Variants in EVI5 observed in about 807,000 individuals in gnomAD.
EVI5 encodes ecotropic viral integration site 5 protein homolog.
Under a neutral mutation model 112.0 loss-of-function variants are expected in EVI5, and 73 were observed. The observed-to-expected ratio is 0.65, with a 90% CI of 0.54 to 0.79. The LOEUF is 0.79. EVI5 is among the 30% of genes least tolerant of loss of function. The pLI is 0.00. For missense variants in EVI5, 900 were observed against 968.8 expected, an observed-to-expected ratio of 0.93 and a Z score of 0.94; for synonymous variants, 305 against 319.9, an observed-to-expected ratio of 0.95 and a Z score of 0.50.
chr1:92,744,231 T>C lies in EVI5; in HGVS notation c.-81-7604A>G, dbSNP rs1317814783. On this transcript the variant is annotated intron_variant, in intron 1 of 19. Transcript: ENST00000684568. Reference sequence around the variant, plus strand: ...AAGATGTGTTTTATGTCCCAGAATGTGGTTAATCTTGGCGAATGTTCCATA... The same window carrying C: ...AAGATGTGTTTTATGTCCCAGAATGCGGTTAATCTTGGCGAATGTTCCATA... Among the ~76,000 whole-genome samples the C allele has an allele frequency of 2.0e-5, 3 of 152,196 alleles. No individual in the cohort carries two copies. In the East Asian group the frequency reaches 5.8e-4, roughly 29 times the overall value.
intron 19 of EVI5, among the ~76,000 whole-genome samples, chr1:92,534,639 C>T (rs1366027993): frequency 1.3e-5 from 2 of 152,084 alleles, no homozygotes; most frequent in Admixed American, 1.3e-4. Context: ...CATGTACAAC[C>T]ATGTGATCTT....
chr1:92,515,467 A>T (rs1659713968), intron 19 of EVI5, among the ~76,000 whole-genome samples: 1 of 152,214 alleles, frequency 6.6e-6, no homozygotes, highest in Admixed American at 6.5e-5. Context: ...TTAAAGTTTG[A>T]TTTTGACATT....
intron 9 of EVI5, among the ~76,000 whole-genome samples, chr1:92,681,230 G>A (rs1572264279): frequency 6.6e-6 from 1 of 152,122 alleles, no homozygotes; most frequent in South Asian, 2.1e-4. Flanking sequence ...GAGAAAAGTT[G>A]TTGTTCATAG....
intron 13 of EVI5, among the ~76,000 whole-genome samples, chr1:92,640,513 T>C (rs888897457): frequency 6.6e-6 from 1 of 152,024 alleles, no homozygotes; most frequent in African/African-American, 2.4e-5. Flanking sequence ...AAGCTCAACA[T>C]CACTGATCAT....
At chr1:92,710,805 A>G (rs1672735696) in intron 2 of EVI5, among the ~76,000 whole-genome samples, 1 of 152,112 alleles carries the variant, frequency 6.6e-6, no homozygotes, top group African/African-American at 2.4e-5. Context: ...TTAAAGATCG[A>G]GAGTCTAGGA....
intron 2 of EVI5, among the ~76,000 whole-genome samples, chr1:92,718,400 G>A (rs917933061): frequency 2.6e-5 from 4 of 151,904 alleles, no homozygotes; most frequent in African/African-American, 7.2e-5. Flanking sequence ...CACTCAAAAC[G>A]CACAATTATA....
intron 19 of EVI5, among the ~76,000 whole-genome samples, chr1:92,523,228 A>G (rs1031310245): frequency 1.3e-5 from 2 of 152,130 alleles, no homozygotes; most frequent in Non-Finnish European, 2.9e-5. Context: ...TTAAAAATAC[A>G]GTGAATAATT....
chr1:92,637,603 A>G lies in EVI5; in HGVS notation c.1393-1267T>C, dbSNP rs370451775. On this transcript the variant is annotated intron_variant, in intron 13 of 19. Coordinates refer to ENST00000684568, the MANE Select transcript of EVI5 (RefSeq NM_001350197.2). ...AATATGTAATTCATCATTATAAAATACTTTCTAAAATAAATTGTCTATCAC... is the reference window on the plus strand; with the variant it reads ...AATATGTAATTCATCATTATAAAATGCTTTCTAAAATAAATTGTCTATCAC... Among the ~76,000 whole-genome samples, 23 of 152,296 alleles carry G rather than the reference A, an allele frequency of 1.5e-4. No homozygotes were observed. In the East Asian group the frequency reaches 3.3e-3, roughly 22 times the overall value.
At chr1:92,683,948 G>A (rs1346910892) in intron 9 of EVI5, among the ~76,000 whole-genome samples, 4 of 152,106 alleles carry the variant, frequency 2.6e-5, no homozygotes, top group Non-Finnish European at 1.5e-5. Flanking sequence ...AAAGTGATGG[G>A]GACAATGGAA....
chr1:92,751,670 T>C (rs897011769), intron 1 of EVI5, among the ~76,000 whole-genome samples: 7 of 152,232 alleles, frequency 4.6e-5, no homozygotes, highest in African/African-American at 1.4e-4. Flanking sequence ...AAAATGCTTT[T>C]TCTACTGTTA....
intron 18 of EVI5, among the ~76,000 whole-genome samples, chr1:92,583,608 A>AGAATAG (rs1322935226): frequency 6.6e-6 from 1 of 151,856 alleles, no homozygotes; most frequent in Non-Finnish European, 1.5e-5. Flanking sequence ...GGAAAAAATC[A>AGAATAG]GAATAGGAAT....
In EVI5 at chr1:92,604,203, T is replaced by C. The variant is rs547507411; in HGVS notation, c.2070+1104A>G. 5.3e-5 allele frequency among the ~76,000 whole-genome samples: 8 copies of C among 151,404 alleles called. No homozygotes were observed. In the East Asian group the frequency reaches 1.5e-3, roughly 29 times the overall value. ...CATTGCTACTAAATAAATAAATAAA[T>C]AAATAAATAAGCTGGGTGTGGTCAT... On this transcript the variant is annotated intron_variant, in intron 18 of 19. Transcript: ENST00000684568.
intron 13 of EVI5, among the ~76,000 whole-genome samples, chr1:92,636,960 T>TTA (rs1658970365): frequency 6.6e-6 from 1 of 152,150 alleles, no homozygotes; most frequent in Non-Finnish European, 1.5e-5. Flanking sequence ...GATAGTACTG[T>TTA]TATATACTAC....
At chr1:92,558,316 C>A (rs1186629414) in intron 19 of EVI5, among the ~76,000 whole-genome samples, 1 of 93,194 alleles carries the variant, frequency 1.1e-5, no homozygotes, top group African/African-American at 4.9e-5. Context: ...TTAGCCCTGA[C>A]CTCTCTTCAG....
intron 1 of EVI5, chr1:92,756,838 ATTGGGCTGTC>A: frequency 2.0e-6 from 1 of 504,196 alleles, no homozygotes; most frequent in South Asian, 1.5e-5. Context: ...GCGCACTGGT[ATTGGGCTGTC>A]CCTCACTGGC....
chr1:92,561,453 T>C (rs1408032103), intron 19 of EVI5, among the ~76,000 whole-genome samples: 2 of 152,202 alleles, frequency 1.3e-5, no homozygotes, highest in Non-Finnish European at 2.9e-5. Context: ...TTTCTTTTCA[T>C]GTTTGTATAA....
chr1:92,542,035 A>G (rs1396441417), intron 19 of EVI5, among the ~76,000 whole-genome samples: 1 of 152,148 alleles, frequency 6.6e-6, no homozygotes, highest in Non-Finnish European at 1.5e-5. Context: ...AGACAACAAT[A>G]AAGTTTGCTG....
rs147309724 is a variant in EVI5 at position 92,670,467 on chromosome 1, C to T, written c.1159-4475G>A. Among the ~76,000 whole-genome samples the T allele has an allele frequency of 6.6e-3, 1,009 of 152,286 alleles. 10 individuals are homozygous for T. The highest frequency in any genetic ancestry group is 8.6e-3 in the Non-Finnish European group (588 of 68,014). Reference sequence around the variant, plus strand: ...AGTTTAATTTGCAATCATTATACGGCTCCCTTGCTTTTAAGCCCCCTTGCC... The same window carrying T: ...AGTTTAATTTGCAATCATTATACGGTTCCCTTGCTTTTAAGCCCCCTTGCC... On this transcript the variant is annotated intron_variant, in intron 10 of 19. Transcript: ENST00000684568.
In EVI5 at chr1:92,513,577, A is replaced by C; in HGVS notation, c.*79T>G. On this transcript the variant is annotated 3_prime_UTR_variant, in exon 20 of 20. Transcript: ENST00000684568. ...TATATATATATATATGTACATATGA[A>C]ACAAATTATTTCCAAAAAGCCCTAA... 6 of 475,598 alleles carry C rather than the reference A, an allele frequency of 1.3e-5. No homozygotes were observed. Among genetic ancestry groups the C allele is most frequent in the Admixed American group, 3.2e-5 (1 of 31,176 alleles). The allele number at this position is 475,598 out of a possible 1,614,324, so 29.5% of individuals were successfully genotyped here.
Sources: allele counts gnomAD v4.1 joint callset (sites outside exome capture counted in the v4.1 genomes callset), GRCh38; gene constraint gnomAD v4.1.1; transcripts MANE v1.5; gene names NCBI Gene and HGNC (gene_info 2026-07-23, HGNC 2026-07-21).